RIMS1: variants seen among roughly 807,000 people sequenced by gnomAD.
The protein encoded by RIMS1 is regulating synaptic membrane exocytosis 1.
A neutral mutation model predicts 214.1 loss-of-function variants in RIMS1; 83 were observed. The observed-to-expected ratio is 0.39, with a 90% CI of 0.32 to 0.47. The LOEUF (loss-of-function observed/expected upper bound fraction) is 0.47. Ranked by LOEUF, RIMS1 falls within the 20% of genes least tolerant of loss-of-function variation. The pLI is 0.99. For synonymous variants in RIMS1, 793 were observed against 786.8 expected (o/e 1.01, Z -0.13); for missense variants, 2,050 against 2,161.8 (o/e 0.95, Z 1.03).
intron 2 of RIMS1, among the ~76,000 whole-genome samples, chr6:72,012,352 G>T (rs1188950546): frequency 6.6e-6 from 1 of 152,064 alleles, no homozygotes; most frequent in East Asian, 1.9e-4. Flanking sequence ...AAGAGGGTGG[G>T]ATAGCATTAG....
At chr6:72,361,577 G>A (rs1365946643) in intron 29 of RIMS1, among the ~76,000 whole-genome samples, 1 of 152,190 alleles carries the variant, frequency 6.6e-6, no homozygotes, top group Non-Finnish European at 1.5e-5. Flanking sequence ...ACAAAAGTAA[G>A]TGTGTTTTTT....
At chr6:72,303,866 T>C (rs553883268) in intron 26 of RIMS1, among the ~76,000 whole-genome samples, 1 of 151,674 alleles carries the variant, frequency 6.6e-6, no homozygotes, top group African/African-American at 2.4e-5. Flanking sequence ...TCAACCCCAT[T>C]TTTATAAAAT....
intron 6 of RIMS1, among the ~76,000 whole-genome samples, chr6:72,190,409 G>C (rs1407237214): frequency 3.3e-5 from 5 of 149,892 alleles, no homozygotes; most frequent in African/African-American, 1.2e-4. Flanking sequence ...GTTGCCGTGA[G>C]CTGAGATCGC....
intron 1 of RIMS1, among the ~76,000 whole-genome samples, chr6:71,930,828 A>G (rs1782813492): frequency 6.6e-6 from 1 of 152,024 alleles, no homozygotes; most frequent in African/African-American, 2.4e-5. Flanking sequence ...TAGATTCTTT[A>G]AGGTAAAGGT....
At chr6:71,911,003 G>T (rs1395288957) in intron 1 of RIMS1, among the ~76,000 whole-genome samples, 3 of 152,076 alleles carry the variant, frequency 2.0e-5, no homozygotes, top group Admixed American at 1.3e-4. Context: ...TTATAGAGGA[G>T]TCAAATCTAA....
chr6:72,342,405 A>G (rs2097124639), intron 29 of RIMS1, among the ~76,000 whole-genome samples: 1 of 151,790 alleles, frequency 6.6e-6, no homozygotes, highest in African/African-American at 2.4e-5. Context: ...GGTTAGAGTG[A>G]GGCTGCCTTC....
rs574995446 is a variant in RIMS1 at position 72,068,695 on chromosome 6, G to A, written c.246-28254G>A. On this transcript the variant is annotated intron_variant, in intron 2 of 33. Transcript: ENST00000521978. ...GCCCAGCACTTTGGGAGACTGAGGC[G>A]GGCGGATCACGAGGTCAGGAGATCG... 2.3e-3 allele frequency among the ~76,000 whole-genome samples: 344 copies of A among 152,114 alleles called. 2 individuals are homozygous for A. Among genetic ancestry groups the A allele is most frequent in the South Asian group, 0.012 (57 of 4,818 alleles).
At chr6:72,110,693 T>A (rs889299309) in intron 4 of RIMS1, among the ~76,000 whole-genome samples, 1 of 151,770 alleles carries the variant, frequency 6.6e-6, no homozygotes, top group African/African-American at 2.4e-5. Flanking sequence ...ATACCCTTTA[T>A]TTCCTTCTCC....
intron 1 of RIMS1, among the ~76,000 whole-genome samples, chr6:71,905,019 C>A (rs775236729): frequency 6.6e-6 from 1 of 152,028 alleles, no homozygotes; most frequent in Non-Finnish European, 1.5e-5. Flanking sequence ...TGAAGATATG[C>A]AATAATGGGA....
chr6:72,341,138 C>G (rs901256597), intron 29 of RIMS1, among the ~76,000 whole-genome samples: 1 of 151,930 alleles, frequency 6.6e-6, no homozygotes, highest in Non-Finnish European at 1.5e-5. Context: ...GATTTTGTAT[C>G]CTGAGACTTT....
chr6:72,314,893 A>G (rs1372051419), intron 28 of RIMS1, among the ~76,000 whole-genome samples: 19 of 152,190 alleles, frequency 1.2e-4, no homozygotes, highest in African/African-American at 2.4e-5. Flanking sequence ...TATTCACTGT[A>G]GAGCCAAGTA....
chr6:71,985,117 C>G, intron 2 of RIMS1, among the ~76,000 whole-genome samples: 1 of 152,152 alleles, frequency 6.6e-6, no homozygotes, highest in East Asian at 1.9e-4. Flanking sequence ...GGCATCATGG[C>G]TCATGCTCGT....
intron 6 of RIMS1, among the ~76,000 whole-genome samples, chr6:72,216,191 C>A (rs1326263476): frequency 6.6e-6 from 1 of 151,742 alleles, no homozygotes; most frequent in East Asian, 1.9e-4. Context: ...TGTTCTGTAA[C>A]ACAAAATATG....
rs146249151 is a variant in RIMS1 at position 72,120,207 on chromosome 6, T to C, written c.471+20221T>C. 5.4e-3 allele frequency among the ~76,000 whole-genome samples: 826 copies of C among 152,022 alleles called. 13 individuals carry two copies. Among genetic ancestry groups the C allele is most frequent in the African/African-American group, 0.019 (801 of 41,546 alleles). ...CTGGGTCAAATGGTATTTCTAGTTC[T>C]AGATCCCTGAAGAATCACCACACTG... On this transcript the variant is annotated intron_variant, in intron 4 of 33. Coordinates refer to ENST00000521978, the MANE Select transcript of RIMS1 (RefSeq NM_014989.7).
chr6:72,000,540 A>T (rs1336073911), intron 2 of RIMS1, among the ~76,000 whole-genome samples: 1 of 152,156 alleles, frequency 6.6e-6, no homozygotes, highest in East Asian at 1.9e-4. Flanking sequence ...TTGCAAATAA[A>T]CAAGTGGATG....
intron 6 of RIMS1, among the ~76,000 whole-genome samples, chr6:72,228,128 C>T (rs1198516150): frequency 2.0e-5 from 3 of 151,890 alleles, no homozygotes; most frequent in Non-Finnish European, 2.9e-5. Context: ...AACTTCCACC[C>T]TGTTTATTAT....
intron 4 of RIMS1, among the ~76,000 whole-genome samples, chr6:72,166,974 T>C (rs867227702): frequency 1.9e-4 from 29 of 152,082 alleles, no homozygotes; most frequent in African/African-American, 6.3e-4. Context: ...TATAGAGGTT[T>C]AAAAAGTATA....
At position 72,140,865 on chromosome 6, in the gene RIMS1, C is replaced by G. The variant is rs529241268; in HGVS notation, c.472-38710C>G. Among the ~76,000 whole-genome samples, 3 of 152,038 alleles carry G rather than the reference C, an allele frequency of 2.0e-5. No homozygotes were observed. In the South Asian group the frequency reaches 6.2e-4, roughly 32 times the overall value. ...CTGTTGTCATATAGATGTAAAGATA[C>G]TTTTTAGCAAAAGTACATAGTTTTC... On this transcript the variant is annotated intron_variant, in intron 4 of 33. Transcript: ENST00000521978.
intron 1 of RIMS1, among the ~76,000 whole-genome samples, chr6:71,917,778 G>A (rs12215297): frequency 0.14 from 20,834 of 152,112 alleles, 1,522 homozygotes; most frequent in South Asian, 0.29. Context: ...CAGTAATGAG[G>A]ATGGGCTGGT....
Sources: allele counts gnomAD v4.1 joint callset (sites outside exome capture counted in the v4.1 genomes callset), GRCh38; gene constraint gnomAD v4.1.1; transcripts MANE v1.5; gene names NCBI Gene and HGNC (gene_info 2026-07-23, HGNC 2026-07-21).